The following SUMO3 variants were observed in gnomAD, a reference collection of about 807,000 sequenced individuals.
SUMO3 encodes small ubiquitin like modifier 3.
Under a neutral mutation model 11.1 loss-of-function variants are expected in SUMO3, and 2 were observed. The ratio of observed to expected loss-of-function variants is 0.18; its 90% CI spans 0.07 to 0.57. The LOEUF (loss-of-function observed/expected upper bound fraction) is 0.57, where lower values mean the gene tolerates loss of function less well. Ranked by LOEUF, SUMO3 falls within the 20% of genes least tolerant of loss-of-function variation. The pLI is 0.92. For synonymous variants in SUMO3, 56 were observed against 53.5 expected (o/e 1.05, Z -0.20); for missense variants, 70 against 132.8 (o/e 0.53, Z 2.32).
At chr21:44,816,089 CCACT>C (rs2083242556) in intron 1 of SUMO3, among the ~76,000 whole-genome samples, 2 of 152,194 alleles carry the variant, frequency 1.3e-5, no homozygotes, top group South Asian at 4.1e-4. Flanking sequence ...GAGGTGGCAG[CCACT>C]CAGTCATTCT....
At position 44,806,857 on chromosome 21, in the gene SUMO3, G is replaced by A. The variant is rs567993612; in HGVS notation, c.*94C>T. 25 of 1,549,374 alleles carry A rather than the reference G, an allele frequency of 1.6e-5. No homozygotes were observed. The East Asian group carries it at 1.6e-4, about 10-fold the overall frequency. Reference sequence around the variant, plus strand: ...GAAAATCATCGTGGTGAATGTCCTCGAGTTTCCGCAGACACCTTTGTGGTC... The same window carrying A: ...GAAAATCATCGTGGTGAATGTCCTCAAGTTTCCGCAGACACCTTTGTGGTC... On this transcript the variant is annotated 3_prime_UTR_variant, in exon 4 of 4. Coordinates refer to ENST00000332859, the MANE Select transcript of SUMO3 (RefSeq NM_006936.3).
rs2083171683 is a variant in SUMO3, at chr21:44,805,641, T to C, written c.*1310A>G. On this transcript the variant is annotated 3_prime_UTR_variant, in exon 4 of 4. Coordinates refer to ENST00000332859, the MANE Select transcript of SUMO3 (RefSeq NM_006936.3). ...AGACAGAATACCAAACTATATTTAC[T>C]GTTTACAGTAGTAAAGGACAACAAA... 6.6e-6 allele frequency: 1 copy of C among 152,638 alleles called. No individual in the cohort carries two copies. The highest frequency in any genetic ancestry group is 2.1e-4 in the South Asian group (1 of 4,838). 9.5% of individuals were successfully genotyped at this position (152,638 alleles called of 1,614,324 possible). A position where few individuals can be genotyped will look rare whatever the true frequency, so the allele number is the denominator to read the frequency against.
chr21:44,806,906 C>T lies in SUMO3; in HGVS notation c.*45G>A. On this transcript the variant is annotated 3_prime_UTR_variant, in exon 4 of 4. Transcript: ENST00000332859. ...TCGGCATGGTCACGTGCTCACCATT[C>T]AACAGCAATGCGAGGATGGACGGCC... 6.2e-7 allele frequency: 1 copy of T among 1,612,664 alleles called. No homozygotes were observed. The highest frequency in any genetic ancestry group is 1.1e-5 in the South Asian group (1 of 90,916).
At chr21:44,815,083 G>C (rs947231228) in intron 1 of SUMO3, among the ~76,000 whole-genome samples, 1 of 152,202 alleles carries the variant, frequency 6.6e-6, no homozygotes, top group African/African-American at 2.4e-5. Flanking sequence ...GGGCGTCCTG[G>C]TACCCTTTCA....
intron 1 of SUMO3, among the ~76,000 whole-genome samples, chr21:44,817,744 G>A (rs1251042410): frequency 1.3e-5 from 2 of 150,072 alleles, no homozygotes; most frequent in Admixed American, 1.3e-4. Context: ...CCCGGAGGGG[G>A]CGGAGCTCGC....
chr21:44,815,913 C>T (rs894248539), intron 1 of SUMO3, among the ~76,000 whole-genome samples: 1 of 152,240 alleles, frequency 6.6e-6, no homozygotes, highest in African/African-American at 2.4e-5. Context: ...CAATCCTCCA[C>T]CTCAGCTATC....
rs983961905 is a variant in SUMO3, at chr21:44,809,356, C to T, written c.151-238G>A. On this transcript the variant is annotated intron_variant, in intron 2 of 3. Coordinates refer to ENST00000332859, the MANE Select transcript of SUMO3 (RefSeq NM_006936.3). ...CAGTGGGCCTACAATCTCTTTCACG[C>T]GGTGCCTGACACCACTGCTTTCAGA... is the stretch of plus-strand genomic sequence containing the variant. Among the ~76,000 whole-genome samples the T allele has an allele frequency of 2.6e-5, 4 of 152,226 alleles. No individual in the cohort carries two copies. In the South Asian group the frequency reaches 6.2e-4, roughly 24 times the overall value.
intron 3 of SUMO3, chr21:44,808,373 A>C (rs1001821046): frequency 7.3e-5 from 41 of 559,402 alleles, no homozygotes; most frequent in Non-Finnish European, 1.1e-4. Context: ...ATTAGCCGGG[A>C]GTGGTGGTGG....
intron 1 of SUMO3, among the ~76,000 whole-genome samples, chr21:44,814,798 T>C (rs2083234206): frequency 6.6e-6 from 1 of 152,210 alleles, no homozygotes; most frequent in Non-Finnish European, 1.5e-5. Flanking sequence ...AACTGTCCTA[T>C]CTGAGCGGCA....
At position 44,816,784 on chromosome 21, in the gene SUMO3, C is replaced by T. The variant is rs558396587; in HGVS notation, c.21+1164G>A. On this transcript the variant is annotated intron_variant, in intron 1 of 3. Coordinates refer to ENST00000332859, the MANE Select transcript of SUMO3 (RefSeq NM_006936.3). ...CATGGCAATGGGGGAGACTAAAGCC[C>T]ACCCAAGGCTGGATAAGGAGGGGTG... 3.9e-5 allele frequency among the ~76,000 whole-genome samples: 6 copies of T among 151,972 alleles called. No individual in the cohort carries two copies. In the East Asian group the frequency reaches 9.7e-4, roughly 25 times the overall value.
intron 1 of SUMO3, among the ~76,000 whole-genome samples, chr21:44,815,040 G>C (rs1480379742): frequency 6.6e-6 from 1 of 152,228 alleles, no homozygotes; most frequent in African/African-American, 2.4e-5. Flanking sequence ...CAATGAGGCA[G>C]GGCCCTCCGG....
intron 1 of SUMO3, among the ~76,000 whole-genome samples, chr21:44,815,973 A>T (rs898721854): frequency 7.2e-5 from 11 of 152,122 alleles, no homozygotes; most frequent in Admixed American, 3.9e-4. Flanking sequence ...TCTTCTTTCC[A>T]GCACCACCGG....
chr21:44,817,323 T>G (rs1601220736), intron 1 of SUMO3, among the ~76,000 whole-genome samples: 8 of 143,512 alleles, frequency 5.6e-5, no homozygotes, highest in East Asian at 2.1e-4. Context: ...AGGAGAGGGG[T>G]GGGCGCACAC....
chr21:44,811,839 G>A lies in SUMO3; in HGVS notation c.150+2137C>T, dbSNP rs2083214027. Among the ~76,000 whole-genome samples, 1 of 151,980 alleles carries A rather than the reference G, an allele frequency of 6.6e-6. No individual in the cohort carries two copies. Among genetic ancestry groups the A allele is most frequent in the South Asian group, 2.1e-4 (1 of 4,806 alleles). ...AAAGAGGGAACAGAGTCTGGAGAAG[G>A]ATACAAATTATCAGAGAACTAACAT... On this transcript the variant is annotated intron_variant, in intron 2 of 3. Transcript: ENST00000332859. This position sits in a 1 kb window ranked among gnomAD's most constrained non-coding sequence, Gnocchi z 5.0.
At chr21:44,815,875 A>G (rs2083240980) in intron 1 of SUMO3, among the ~76,000 whole-genome samples, 1 of 152,236 alleles carries the variant, frequency 6.6e-6, no homozygotes, top group Non-Finnish European at 1.5e-5. Flanking sequence ...GTGAAGCCCT[A>G]AAAACATGGG....
chr21:44,817,969 G>T lies in SUMO3; in HGVS notation c.-1C>A. On this transcript the variant is annotated 5_prime_UTR_variant, in exon 1 of 4. Coordinates refer to ENST00000332859, the MANE Select transcript of SUMO3 (RefSeq NM_006936.3). ...TTACCTTGGGCTTCTCCTCGGACATGGCTGCGCGAGCGGCGCGGGGAGGCG... is the reference window on the plus strand; with the variant it reads ...TTACCTTGGGCTTCTCCTCGGACATTGCTGCGCGAGCGGCGCGGGGAGGCG... 1 of 1,181,726 alleles carries T rather than the reference G, an allele frequency of 8.5e-7. No homozygotes were observed. The highest frequency in any genetic ancestry group is 4.2e-5 in the South Asian group (1 of 23,986). The allele number at this position is 1,181,726 out of a possible 1,614,324, so 73.2% of individuals were successfully genotyped here. A position where few individuals can be genotyped will look rare whatever the true frequency, so the allele number is the denominator to read the frequency against.
rs146790298 is a variant in SUMO3, at chr21:44,811,001, T to TGCACACACCCACATATGCACACAC, written c.151-1907_151-1884dup. 4.8e-3 allele frequency among the ~76,000 whole-genome samples: 527 copies of TGCACACACCCACATATGCACACAC among 109,538 alleles called. 7 individuals carry two copies. The highest frequency in any genetic ancestry group is 0.022 in the African/African-American group (488 of 22,626). The allele number at this position is 109,538 out of a possible 152,430, so 71.9% of individuals were successfully genotyped here. A position where few individuals can be genotyped will look rare whatever the true frequency, so the allele number is the denominator to read the frequency against. On this transcript the variant is annotated intron_variant, in intron 2 of 3. Transcript: ENST00000332859. This position sits in a 1 kb window ranked among gnomAD's most constrained non-coding sequence, Gnocchi z 5.0. ...ACACACCCATGCACACACCCACACA[T>TGCACACACCCACATATGCACACAC]GCACACACCCACATATGCACACACG... is the stretch of plus-strand genomic sequence containing the variant.
rs373705438 is a variant in SUMO3, at chr21:44,807,626, T to C, written c.223-586A>G. Among the ~76,000 whole-genome samples, 14 of 152,274 alleles carry C rather than the reference T, an allele frequency of 9.2e-5. No individual in the cohort carries two copies. In the South Asian group the frequency reaches 1.5e-3, roughly 16 times the overall value. On this transcript the variant is annotated intron_variant, in intron 3 of 3. Coordinates refer to ENST00000332859, the MANE Select transcript of SUMO3 (RefSeq NM_006936.3). The surrounding 1 kb of genome is among the most constrained non-coding windows in gnomAD (Gnocchi z 4.3). The stretch of plus-strand genomic sequence containing the variant: ...CGCAAAACACCCACCCTGATCTTCT[T>C]CCATCCTCTAAGCAAGAGGAAGCTT...
chr21:44,810,560 G>A lies in SUMO3; in HGVS notation c.151-1442C>T, dbSNP rs2083203953. Reference sequence around the variant, plus strand: ...AGGCGCAGGGCGGAAACAGGCCCACGAAAGCGCGTGCCCTCAACACTGTGC... The same window carrying A: ...AGGCGCAGGGCGGAAACAGGCCCACAAAAGCGCGTGCCCTCAACACTGTGC... On this transcript the variant is annotated intron_variant, in intron 2 of 3. Transcript: ENST00000332859. The surrounding 1 kb of genome is among the most constrained non-coding windows in gnomAD (Gnocchi z 4.1). Among the ~76,000 whole-genome samples the A allele has an allele frequency of 1.3e-5, 2 of 152,206 alleles. No individual in the cohort carries two copies. Among genetic ancestry groups the A allele is most frequent in the Admixed American group, 6.5e-5 (1 of 15,288 alleles).
Sources: allele counts gnomAD v4.1 joint callset (sites outside exome capture counted in the v4.1 genomes callset), GRCh38; gene constraint gnomAD v4.1.1; non-coding constraint Gnocchi (gnomAD v3.1); transcripts MANE v1.5; gene names NCBI Gene and HGNC (gene_info 2026-07-23, HGNC 2026-07-21).